Variants in SRPRA observed in about 807,000 individuals in gnomAD.
The protein encoded by SRPRA is SRP receptor subunit alpha, also known as signal recognition particle receptor subunit alpha.
A neutral mutation model predicts 61.1 loss-of-function variants in SRPRA; 30 were observed. The observed-to-expected ratio is 0.49, with a 90% CI of 0.37 to 0.67. The LOEUF is 0.67. Ranked by LOEUF, SRPRA falls within the 30% of genes least tolerant of loss-of-function variation. The pLI, the probability that SRPRA is intolerant of heterozygous loss-of-function variation, is 0.00. For synonymous variants in SRPRA, 324 were observed against 299.7 expected, an observed-to-expected ratio of 1.08 and a Z score of -0.84; for missense variants, 759 against 828.4, an observed-to-expected ratio of 0.92 and a Z score of 1.03.
chr11:126,262,299 C>A, downstream of SRPRA: 29 of 549,942 alleles, frequency 5.3e-5, no homozygotes, highest in Non-Finnish European at 6.8e-5. Context: ...CGTAATCCTT[C>A]ATACCACCTG....
downstream of SRPRA, chr11:126,261,273 C>T: frequency 1.6e-6 from 1 of 631,010 alleles, no homozygotes; most frequent in Non-Finnish European, 2.8e-6. Context: ...TTTATCCTCT[C>T]TGCCTCCTTA....
At chr11:126,262,064 A>G (rs552832233), downstream of SRPRA, 9 of 1,593,608 alleles carry the variant, frequency 5.6e-6, no homozygotes, top group East Asian at 4.5e-5. Context: ...GCAGCTTCCA[A>G]TGTATAAACC....
At chr11:126,253,863 G>A in the SRPRA span, among the ~76,000 whole-genome samples, 2 of 152,170 alleles carry the variant, frequency 1.3e-5, no homozygotes, top group African/African-American at 2.4e-5. This position sits in a 1 kb window ranked among gnomAD's most constrained non-coding sequence, Gnocchi z 5.1. Flanking sequence ...CACTTTTCAA[G>A]CTTCTGCTTG....
At chr11:126,262,197 A>G, downstream of SRPRA, 1 of 1,563,344 alleles carries the variant, frequency 6.4e-7, no homozygotes, top group Non-Finnish European at 8.8e-7. Flanking sequence ...ACAGTGTTTA[A>G]CAAGTAAACT....
chr11:126,261,357 GT>G, downstream of SRPRA: 1 of 1,338,818 alleles, frequency 7.5e-7, no homozygotes, highest in Admixed American at 1.7e-5. Flanking sequence ...TCTCCCTTTA[GT>G]TTTCTTTTTG....
chr11:126,256,541 CA>C, the SRPRA span: 1 of 1,607,614 alleles, frequency 6.2e-7, no homozygotes, highest in African/African-American at 1.3e-5. The surrounding 1 kb of genome is among the most constrained non-coding windows in gnomAD (Gnocchi z 6.6). Context: ...TTCACAATGT[CA>C]ATATGTTGTA....
Position 126,264,558 on chromosome 11 carries a change from C to T in SRPRA, c.1526-19G>A. 1.2e-6 allele frequency: 2 copies of T among 1,611,018 alleles called. No homozygotes were observed. Among genetic ancestry groups the T allele is most frequent in the Non-Finnish European group, 1.7e-6 (2 of 1,179,438 alleles). On this transcript the variant is annotated intron_variant, in intron 11 of 13. Coordinates refer to ENST00000332118, the MANE Select transcript of SRPRA (RefSeq NM_003139.4). This position sits in a 1 kb window ranked among gnomAD's most constrained non-coding sequence, Gnocchi z 5.0. ...TTACGTGCTAGAGAAAGAAAGTAGT[C>T]AACTCTGAACACCTGGACTACCACT...
chr11:126,268,208 G>A (rs1384931894), intron 1 of SRPRA, 122 bp from the exon 2 acceptor site: 2 of 784,300 alleles, frequency 2.6e-6, no homozygotes, highest in East Asian at 2.6e-5. Flanking sequence ...CTGTCCCCAG[G>A]ACAAGAGGAT....
chr11:126,248,025 A>G, the SRPRA span, among the ~76,000 whole-genome samples: 44 of 150,780 alleles, frequency 2.9e-4, no homozygotes, highest in African/African-American at 9.7e-4. Context: ...ACGCACCTGT[A>G]GTCCCAGCTA....
Position 126,265,830 on chromosome 11 carries a change from A to G in SRPRA, c.1052-7T>C. ...TCTGCAGCCACGTTCTTAGCTGAGG[A>G]GAGGGGGACAGGTATGTCAGTTCCA... On this transcript the variant is annotated splice_region_variant and splice_polypyrimidine_tract_variant and intron_variant, in intron 8 of 13. Transcript: ENST00000332118. This position sits in a 1 kb window ranked among gnomAD's most constrained non-coding sequence, Gnocchi z 6.3. 6.2e-7 allele frequency: 1 copy of G among 1,614,196 alleles called. No homozygotes were observed. The highest frequency in any genetic ancestry group is 8.5e-7 in the Non-Finnish European group (1 of 1,180,034).
In SRPRA at chr11:126,267,910, T is replaced by C. The variant is rs990642995; in HGVS notation, c.201+93A>G. On this transcript the variant is annotated intron_variant, in intron 2 of 13. Coordinates refer to ENST00000332118, the MANE Select transcript of SRPRA (RefSeq NM_003139.4). This position sits in a 1 kb window ranked among gnomAD's most constrained non-coding sequence, Gnocchi z 4.2. Reference sequence around the variant, plus strand: ...TACCTTTCTAGTTTTTTCAGTTACGTCATCATATACACTGGCTGCAATTAA... The same window carrying C: ...TACCTTTCTAGTTTTTTCAGTTACGCCATCATATACACTGGCTGCAATTAA... The C allele has an allele frequency of 6.8e-7, 1 of 1,460,236 alleles. No individual in the cohort carries two copies. Among genetic ancestry groups the C allele is most frequent in the African/African-American group, 1.4e-5 (1 of 71,570 alleles). 90.5% of individuals were successfully genotyped at this position (1,460,236 alleles called of 1,614,324 possible). A position where few individuals can be genotyped will look rare whatever the true frequency, so the allele number is the denominator to read the frequency against.
At chr11:126,240,743 C>G in the SRPRA span, 11 of 1,526,282 alleles carry the variant, frequency 7.2e-6, 1 homozygote, top group African/African-American at 8.3e-5. Flanking sequence ...TTCTGTGTGC[C>G]TCATATCTAT....
At chr11:126,257,772 C>A in the SRPRA span, among the ~76,000 whole-genome samples, 1 of 151,932 alleles carries the variant, frequency 6.6e-6, no homozygotes, top group African/African-American at 2.4e-5. Flanking sequence ...TTTAGAAATG[C>A]TATTTGGAAA....
chr11:126,240,988 C>G, the SRPRA span: 1 of 1,613,880 alleles, frequency 6.2e-7, no homozygotes, highest in Non-Finnish European at 8.5e-7. Flanking sequence ...GAAATGTCTC[C>G]ATGAAGACAA....
Position 126,264,005 on chromosome 11 carries a change from G to C in SRPRA, c.1828C>G (p.Pro610Ala). ...TGGCCGGTGCCCACAAAGACGATGG[G>C]TTTGCTTGTGATGTACGTCATAGAA... ...AISMTYITSK[P>A]IVFVGTGQTY... Residue 610 changes from proline to alanine, a missense_variant, in exon 14 of 14, where the codon CCC becomes GCC. This residue lies in a region of SRPRA where 284 missense variants were observed against 365.9 expected (regional missense o/e 0.78). Transcript: ENST00000332118. This position sits in a 1 kb window ranked among gnomAD's most constrained non-coding sequence, Gnocchi z 5.0. 6.2e-7 allele frequency: 1 copy of C among 1,614,146 alleles called. No homozygotes were observed. The highest frequency in any genetic ancestry group is 8.5e-7 in the Non-Finnish European group (1 of 1,180,032).
the SRPRA span, among the ~76,000 whole-genome samples, chr11:126,251,052 G>C: frequency 6.6e-6 from 1 of 152,174 alleles, no homozygotes; most frequent in South Asian, 2.1e-4. Flanking sequence ...TATTGATAAT[G>C]CTGGTTCTAT....
At chr11:126,261,589 A>C, downstream of SRPRA, 1 of 859,748 alleles carries the variant, frequency 1.2e-6, no homozygotes, top group Non-Finnish European at 1.9e-6. Flanking sequence ...ACATTGCCAA[A>C]TTTTAAAAAA....
the SRPRA span, among the ~76,000 whole-genome samples, chr11:126,249,462 G>A: frequency 6.7e-6 from 1 of 148,492 alleles, no homozygotes; most frequent in Non-Finnish European, 1.5e-5. Flanking sequence ...GCTGGGTGTG[G>A]TAGCTCACAC....
rs1293160014 is a variant in SRPRA at position 126,264,649 on chromosome 11, TG to T, written c.1526-111del. On this transcript the variant is annotated intron_variant, in intron 11 of 13. Coordinates refer to ENST00000332118, the MANE Select transcript of SRPRA (RefSeq NM_003139.4). This position sits in a 1 kb window ranked among gnomAD's most constrained non-coding sequence, Gnocchi z 5.0. ...ACTACCTGTTCACTGTCTTGGGCTCTGGATTTGGTTCCAAGGTAATGTGAGA... is the reference window on the plus strand; with the variant it reads ...ACTACCTGTTCACTGTCTTGGGCTCTGATTTGGTTCCAAGGTAATGTGAGA... 5.3e-6 allele frequency: 7 copies of T among 1,327,826 alleles called. No individual in the cohort carries two copies. Among genetic ancestry groups the T allele is most frequent in the Non-Finnish European group, 6.1e-6 (6 of 980,290 alleles). 82.3% of individuals were successfully genotyped at this position (1,327,826 alleles called of 1,614,324 possible).
Sources: allele counts gnomAD v4.1 joint callset (sites outside exome capture counted in the v4.1 genomes callset), GRCh38; gene constraint gnomAD v4.1.1; regional missense constraint gnomAD v4.1.1; non-coding constraint Gnocchi (gnomAD v3.1); transcripts MANE v1.5; gene names NCBI Gene and HGNC (gene_info 2026-07-23, HGNC 2026-07-21).